Variants in ENTPD1 observed in about 807,000 individuals in gnomAD.
ENTPD1 encodes ATP diphosphohydrolase.
ENTPD1 carries 33 observed loss-of-function variants against 57.0 expected under a neutral mutation model. The observed-to-expected ratio is 0.58, with a 90% CI of 0.44 to 0.77. ENTPD1 has a LOEUF of 0.77. Ranked by LOEUF, ENTPD1 falls within the 30% of genes least tolerant of loss-of-function variation. ENTPD1 has a pLI of 0.00. For synonymous variants in ENTPD1, 202 were observed against 218.8 expected, an observed-to-expected ratio of 0.92 and a Z score of 0.68; for missense variants, 501 against 603.4, an observed-to-expected ratio of 0.83 and a Z score of 1.78.
chr10:95,720,759 G>A (rs191403788), intron 1 of ENTPD1, among the ~76,000 whole-genome samples: 1 of 152,302 alleles, frequency 6.6e-6, no homozygotes, highest in East Asian at 1.9e-4. Context: ...GGGCATGGAC[G>A]AGGGGGCAGC....
intron 1 of ENTPD1, among the ~76,000 whole-genome samples, chr10:95,733,963 G>A (rs919754187): frequency 6.6e-6 from 1 of 152,112 alleles, no homozygotes; most frequent in African/African-American, 2.4e-5. Context: ...AAGGTTCATG[G>A]GTCTATGGGT....
chr10:95,720,839 A>G (rs182156627), intron 1 of ENTPD1, among the ~76,000 whole-genome samples: 17 of 152,298 alleles, frequency 1.1e-4, no homozygotes, highest in Admixed American at 3.3e-4. Flanking sequence ...CCTATTAGGC[A>G]TTCGATTTGC....
At chr10:95,708,187 CT>C (rs1021422829), upstream of ENTPD1, among the ~76,000 whole-genome samples, 1 of 148,238 alleles carries the variant, frequency 6.7e-6, no homozygotes, top group African/African-American at 2.5e-5. Context: ...GATTTAACTT[CT>C]TTTTTTTAAT....
intron 1 of ENTPD1, among the ~76,000 whole-genome samples, chr10:95,789,012 G>C (rs1236071811): frequency 6.6e-6 from 1 of 152,162 alleles, no homozygotes; most frequent in Non-Finnish European, 1.5e-5. Context: ...GATAACAAAA[G>C]TTATTTTGGT....
In ENTPD1 at chr10:95,870,143, C is replaced by A. The variant is rs769638923; in HGVS notation, c.*3760C>A. The A allele has an allele frequency of 3.0e-6, 3 of 985,276 alleles. No individual in the cohort carries two copies. In the African/African-American group the frequency reaches 5.2e-5, roughly 17 times the overall value. 61.0% of individuals were successfully genotyped at this position (985,276 alleles called of 1,614,324 possible). A position where few individuals can be genotyped will look rare whatever the true frequency, so the allele number is the denominator to read the frequency against. On this transcript the variant is annotated 3_prime_UTR_variant, in exon 10 of 10. Coordinates refer to ENST00000371205, the MANE Select transcript of ENTPD1 (RefSeq NM_001776.6). ...TGTATTCCTCAGGTTTTGTTGCCTT[C>A]CCATGAAGATGTGAAGGCAGGGATG... is the stretch of plus-strand genomic sequence containing the variant.
At chr10:95,812,396 A>G (rs1219962885) in intron 1 of ENTPD1, among the ~76,000 whole-genome samples, 1 of 152,202 alleles carries the variant, frequency 6.6e-6, no homozygotes, top group Non-Finnish European at 1.5e-5. Context: ...AGATTCATAC[A>G]TATTGTTACA....
intron 1 of ENTPD1, among the ~76,000 whole-genome samples, chr10:95,810,024 G>A (rs1340683793): frequency 1.4e-5 from 2 of 145,520 alleles, no homozygotes; most frequent in Non-Finnish European, 3.0e-5. Context: ...TCCCAGACAG[G>A]GTCGCAGTCG....
At chr10:95,701,781 C>T in the ENTPD1 span, among the ~76,000 whole-genome samples, 1 of 151,820 alleles carries the variant, frequency 6.6e-6, no homozygotes, top group Non-Finnish European at 1.5e-5. Context: ...AAAAGGACAG[C>T]AAAATATCCT....
At chr10:95,756,352 G>A (rs1237041004) in intron 1 of ENTPD1, 97 bp downstream of exon 1, 4 of 1,352,446 alleles carry the variant, frequency 3.0e-6, no homozygotes, top group Non-Finnish European at 3.1e-6. Context: ...GAAAGCTGGA[G>A]GCAAAAAGCC....
chr10:95,861,243 T>C (rs760726623), intron 8 of ENTPD1: 7 of 152,858 alleles, frequency 4.6e-5, no homozygotes, highest in Non-Finnish European at 8.7e-5. Context: ...ATCCTCTCCA[T>C]TTCCCAGGTC....
At chr10:95,749,333 C>T (rs992063857) in intron 1 of ENTPD1, among the ~76,000 whole-genome samples, 1 of 152,178 alleles carries the variant, frequency 6.6e-6, no homozygotes, top group Non-Finnish European at 1.5e-5. Context: ...ATGTGGATCT[C>T]AATATATCTG....
intron 2 of ENTPD1, among the ~76,000 whole-genome samples, chr10:95,829,728 T>C (rs372822337): frequency 6.9e-4 from 105 of 152,246 alleles, no homozygotes; most frequent in African/African-American, 2.4e-3. Flanking sequence ...AAGGTAGCCT[T>C]GGAGCTGAGT....
At chr10:95,697,014 A>T in the ENTPD1 span, among the ~76,000 whole-genome samples, 2 of 152,238 alleles carry the variant, frequency 1.3e-5, no homozygotes, top group African/African-American at 4.8e-5. Context: ...GTGTGCTCTC[A>T]TGGGCCAGAC....
At chr10:95,715,318 T>C (rs1488255160) in intron 1 of ENTPD1, among the ~76,000 whole-genome samples, 2 of 152,202 alleles carry the variant, frequency 1.3e-5, no homozygotes, top group African/African-American at 2.4e-5. Context: ...TGATTAGATG[T>C]CCTTCCTTGT....
At chr10:95,862,346 CTCTT>C (rs2098466751) in intron 8 of ENTPD1, among the ~76,000 whole-genome samples, 2 of 152,208 alleles carry the variant, frequency 1.3e-5, no homozygotes, top group Non-Finnish European at 2.9e-5. Context: ...TAGAAGGTGA[CTCTT>C]TCTTCTTTCC....
intron 2 of ENTPD1, among the ~76,000 whole-genome samples, chr10:95,831,625 C>G (rs973423844): frequency 6.6e-6 from 1 of 152,236 alleles, no homozygotes; most frequent in Non-Finnish European, 1.5e-5. Context: ...CCACTGTTCC[C>G]CATCTGACTT....
chr10:95,780,678 G>A (rs192857390), intron 1 of ENTPD1, among the ~76,000 whole-genome samples: 2 of 152,296 alleles, frequency 1.3e-5, no homozygotes, highest in East Asian at 3.9e-4. Flanking sequence ...TCCAAGAGAG[G>A]AACAAACTCA....
At chr10:95,734,096 C>T (rs2097991990) in intron 1 of ENTPD1, among the ~76,000 whole-genome samples, 1 of 152,110 alleles carries the variant, frequency 6.6e-6, no homozygotes, top group East Asian at 1.9e-4. Flanking sequence ...AGGCAAAGCC[C>T]CCTCACCACA....
rs1036505564 is a variant in ENTPD1, at chr10:95,756,178, A to C, written c.-62A>C. The C allele has an allele frequency of 4.5e-6, 7 of 1,570,688 alleles. No homozygotes were observed. Among genetic ancestry groups the C allele is most frequent in the Non-Finnish European group, 6.0e-6 (7 of 1,157,322 alleles). ...GACCTCTCTCACGGAGACGGACCAC[A>C]GCAAGCAGAGGCTGGGGGGGGGAAA... is the stretch of plus-strand genomic sequence containing the variant. On this transcript the variant is annotated 5_prime_UTR_variant, in exon 1 of 10. Coordinates refer to ENST00000371205, the MANE Select transcript of ENTPD1 (RefSeq NM_001776.6).
Sources: allele counts gnomAD v4.1 joint callset (sites outside exome capture counted in the v4.1 genomes callset), GRCh38; gene constraint gnomAD v4.1.1; transcripts MANE v1.5; gene names NCBI Gene and HGNC (gene_info 2026-07-23, HGNC 2026-07-21).